Variants in LPIN1 observed in about 807,000 individuals in gnomAD.
LPIN1 encodes the protein phosphatidate phosphatase LPIN1.
In LPIN1, 71 loss-of-function variants were observed where a neutral mutation model predicts 107.5. The observed-to-expected ratio is 0.66, with a 90% CI of 0.55 to 0.80. LPIN1 has a LOEUF of 0.80. Ranked by LOEUF, LPIN1 falls within the 30% of genes least tolerant of loss-of-function variation. The probability of loss-of-function intolerance (pLI) is 0.00; values close to 1 mark genes in which losing one functional copy is unlikely to be tolerated. For synonymous variants in LPIN1, 445 were observed against 452.6 expected, an observed-to-expected ratio of 0.98 and a Z score of 0.21; for missense variants, 1,043 against 1,160.6, an observed-to-expected ratio of 0.90 and a Z score of 1.47.
chr2:11,751,764 T>A (rs1053232207), intron 1 of LPIN1, among the ~76,000 whole-genome samples: 5 of 152,086 alleles, frequency 3.3e-5, no homozygotes, highest in Non-Finnish European at 5.9e-5. Context: ...AGGCAGGAGA[T>A]TGGCGTGAAC....
chr2:11,819,329 C>T (rs1456309754), intron 18 of LPIN1, 155 bp from the exon 19 acceptor site: 10 of 629,254 alleles, frequency 1.6e-5, no homozygotes, highest in Middle Eastern at 4.0e-4. Context: ...CTTTCCATCT[C>T]GTGCTTTTCT....
At chr2:11,684,659 G>T (rs1273295406) in intron 1 of LPIN1, among the ~76,000 whole-genome samples, 2 of 152,118 alleles carry the variant, frequency 1.3e-5, no homozygotes, top group African/African-American at 2.4e-5. Context: ...TATTTATCCT[G>T]GGAGAAGGCA....
chr2:11,694,322 T>C (rs1171558224), intron 1 of LPIN1, among the ~76,000 whole-genome samples: 1 of 152,206 alleles, frequency 6.6e-6, no homozygotes, highest in African/African-American at 2.4e-5. Flanking sequence ...CGAGCCTATC[T>C]GAGAGGCTCA....
chr2:11,762,430 G>A (rs1346542493), intron 1 of LPIN1, among the ~76,000 whole-genome samples: 1 of 151,892 alleles, frequency 6.6e-6, no homozygotes, highest in African/African-American at 2.4e-5. Context: ...CTGGAGGTTG[G>A]GGGTGGGGTG....
intron 17 of LPIN1, 126 bp downstream of exon 17, chr2:11,805,282 G>C: frequency 1.3e-6 from 1 of 760,450 alleles, no homozygotes; most frequent in Non-Finnish European, 2.3e-6. Flanking sequence ...CAACCAGGGA[G>C]GGGCAGTGGG....
At chr2:11,681,275 G>T (rs1269556961) in intron 1 of LPIN1, among the ~76,000 whole-genome samples, 2 of 152,180 alleles carry the variant, frequency 1.3e-5, no homozygotes, top group Non-Finnish European at 2.9e-5. Flanking sequence ...TTGGATGTGT[G>T]TCCCCCACCC....
rs1473968058 is a variant in LPIN1 at position 11,697,926 on chromosome 2, A to G, written c.82-15830A>G. Among the ~76,000 whole-genome samples the G allele has an allele frequency of 2.0e-5, 3 of 151,458 alleles. No individual in the cohort carries two copies. The highest frequency in any genetic ancestry group is 7.3e-5 in the African/African-American group (3 of 41,192). On this transcript the variant is annotated intron_variant, in intron 1 of 21. Transcript: ENST00000449576. This position sits in a 1 kb window ranked among gnomAD's most constrained non-coding sequence, Gnocchi z 4.6. Reference sequence around the variant, plus strand: ...CAGTCACAAGCCAGACTAGTCACGCACCCCCGGCTGTGGGTGGCTTCCTGA... The same window carrying G: ...CAGTCACAAGCCAGACTAGTCACGCGCCCCCGGCTGTGGGTGGCTTCCTGA...
Position 11,771,316 on chromosome 2 carries a change from T to C in LPIN1, c.289-56T>C. ...ATCCTGGAGGCCTCTGGCAAGGCCCTGCTTCTTATACCTGAATTAACGAGG... is the reference window on the plus strand; with the variant it reads ...ATCCTGGAGGCCTCTGGCAAGGCCCCGCTTCTTATACCTGAATTAACGAGG... On this transcript the variant is annotated intron_variant, in intron 3 of 20. Transcript: ENST00000674199. The surrounding 1 kb of genome is among the most constrained non-coding windows in gnomAD (Gnocchi z 4.8). The C allele has an allele frequency of 6.3e-7, 1 of 1,582,882 alleles. No homozygotes were observed. The highest frequency in any genetic ancestry group is 8.7e-7 in the Non-Finnish European group (1 of 1,152,170).
chr2:11,818,378 A>G (rs1680950093), intron 18 of LPIN1: 1 of 152,236 alleles, frequency 6.6e-6, no homozygotes. Context: ...TTAGCTGTAA[A>G]GGTCTGGCAC....
chr2:11,765,331 ACTGATGGGCCGTGATGGGCC>A lies in LPIN1; in HGVS notation c.-9-191_-9-172del, dbSNP rs1405609323. ...TGGACCCTGATGGGCCATGATGGACACTGATGGGCCGTGATGGGCCCTGATGGGCCCTGATGGACCCTGAT... is the reference window on the plus strand; with the variant it reads ...TGGACCCTGATGGGCCATGATGGACACTGATGGGCCCTGATGGACCCTGAT... On this transcript the variant is annotated intron_variant, in intron 1 of 20. Coordinates refer to ENST00000674199, the MANE Select transcript of LPIN1 (RefSeq NM_001349206.2). This position sits in a 1 kb window ranked among gnomAD's most constrained non-coding sequence, Gnocchi z 4.4. Among the ~76,000 whole-genome samples the A allele has an allele frequency of 1.3e-5, 2 of 148,464 alleles. No individual in the cohort carries two copies. The highest frequency in any genetic ancestry group is 5.0e-5 in the African/African-American group (2 of 39,990).
chr2:11,726,084 T>G (rs1664621360), intron 1 of LPIN1, among the ~76,000 whole-genome samples: 1 of 152,172 alleles, frequency 6.6e-6, no homozygotes, highest in South Asian at 2.1e-4. Flanking sequence ...CAGTTCTCCA[T>G]GGCAATCAAT....
At chr2:11,711,319 T>C (rs1051532955) in intron 1 of LPIN1, among the ~76,000 whole-genome samples, 1 of 152,218 alleles carries the variant, frequency 6.6e-6, no homozygotes, top group Non-Finnish European at 1.5e-5. Context: ...GTGTTTCAAA[T>C]GCATTGCTCA....
At chr2:11,699,847 G>A (rs74787134) in intron 1 of LPIN1, among the ~76,000 whole-genome samples, 1 of 152,136 alleles carries the variant, frequency 6.6e-6, no homozygotes, top group African/African-American at 2.4e-5. Context: ...GACGGGCTGG[G>A]GGAGGGAGAG....
Position 11,771,721 on chromosome 2 carries a change from C to A in LPIN1, c.596+42C>A. The A allele has an allele frequency of 6.6e-7, 1 of 1,512,566 alleles. No individual in the cohort carries two copies. Among genetic ancestry groups the A allele is most frequent in the Non-Finnish European group, 9.0e-7 (1 of 1,110,056 alleles). 93.7% of individuals were successfully genotyped at this position (1,512,566 alleles called of 1,614,324 possible). On this transcript the variant is annotated intron_variant, in intron 4 of 20. Transcript: ENST00000674199. The surrounding 1 kb of genome is among the most constrained non-coding windows in gnomAD (Gnocchi z 4.8). Reference sequence around the variant, plus strand: ...GTGGAGGGGCTGTGCCAGAATCAGACAGTTAACTGTTCAAGATTATTTTTA... The same window carrying A: ...GTGGAGGGGCTGTGCCAGAATCAGAAAGTTAACTGTTCAAGATTATTTTTA...
rs1235027463 is a variant in LPIN1, at chr2:11,826,821, A to G, written c.*2030A>G. The stretch of plus-strand genomic sequence containing the variant: ...TCAGAGGATGCAATTTTGGATCCCG[A>G]ATTTTGATGTACCTTAAACTTCCAC... On this transcript the variant is annotated 3_prime_UTR_variant, in exon 21 of 21. Transcript: ENST00000674199. 2 of 152,168 alleles carry G rather than the reference A, an allele frequency of 1.3e-5. No homozygotes were observed. The highest frequency in any genetic ancestry group is 2.9e-5 in the Non-Finnish European group (2 of 68,040). 9.4% of individuals were successfully genotyped at this position (152,168 alleles called of 1,614,324 possible).
intron 7 of LPIN1, among the ~76,000 whole-genome samples, 158 bp downstream of exon 7, chr2:11,779,803 C>CTTCAT (rs1246362120): frequency 1.3e-5 from 2 of 152,152 alleles, no homozygotes; most frequent in African/African-American, 2.4e-5. Flanking sequence ...GAATTACTTT[C>CTTCAT]TTCCACGTTA....
At position 11,707,705 on chromosome 2, in the gene LPIN1, C is replaced by T. The variant is rs1176914845; in HGVS notation, c.82-6051C>T. Among the ~76,000 whole-genome samples the T allele has an allele frequency of 2.6e-5, 4 of 152,088 alleles. No individual in the cohort carries two copies. In the East Asian group the frequency reaches 7.7e-4, roughly 29 times the overall value. ...GTGGAGCTGCAGGATTTGCTTGTGA[C>T]TGGATGTGGCTTGGGAGGGGAGAAA... On this transcript the variant is annotated intron_variant, in intron 1 of 21. Transcript: ENST00000449576. This position sits in a 1 kb window ranked among gnomAD's most constrained non-coding sequence, Gnocchi z 4.2.
intron 1 of LPIN1, among the ~76,000 whole-genome samples, chr2:11,678,502 G>A (rs188835521): frequency 1.3e-5 from 2 of 152,332 alleles, no homozygotes; most frequent in African/African-American, 4.8e-5. Context: ...CAGCTGCAGA[G>A]GCTGAGATGG....
intron 1 of LPIN1, among the ~76,000 whole-genome samples, chr2:11,757,764 G>A (rs915282436): frequency 4.0e-5 from 6 of 151,886 alleles, no homozygotes; most frequent in African/African-American, 1.5e-4. Flanking sequence ...TTCCTGAAAT[G>A]AGTTCTGGTT....
Sources: allele counts gnomAD v4.1 joint callset (sites outside exome capture counted in the v4.1 genomes callset), GRCh38; gene constraint gnomAD v4.1.1; non-coding constraint Gnocchi (gnomAD v3.1); transcripts MANE v1.5; gene names NCBI Gene and HGNC (gene_info 2026-07-23, HGNC 2026-07-21).